STAT3: variants seen among roughly 807,000 people sequenced by gnomAD.
STAT3 encodes DNA-binding protein APRF.
In STAT3, 7 loss-of-function variants were observed where a neutral mutation model predicts 114.3. That is an observed-to-expected ratio of 0.06 (90% CI 0.03 to 0.11). The LOEUF (loss-of-function observed/expected upper bound fraction) is 0.11. Among genes scored for constraint, STAT3 ranks in the 10% least tolerant of loss-of-function variants. The pLI is 1.00. For synonymous variants in STAT3, 331 were observed against 354.5 expected, an observed-to-expected ratio of 0.93 and a Z score of 0.74; for missense variants, 364 against 960.9, an observed-to-expected ratio of 0.38 and a Z score of 8.21.
chr17:42,343,666 G>A (rs2082558077), intron 4 of STAT3, among the ~76,000 whole-genome samples: 1 of 151,870 alleles, frequency 6.6e-6, no homozygotes, highest in African/African-American at 2.4e-5. Flanking sequence ...TGTTGGCCAG[G>A]ATGGTCTCAA....
intron 1 of STAT3, among the ~76,000 whole-genome samples, chr17:42,382,171 C>T (rs746601556): frequency 1.3e-5 from 2 of 152,198 alleles, no homozygotes; most frequent in Non-Finnish European, 2.9e-5. Context: ...GTGTTCCCAT[C>T]TGATAAAGCC....
chr17:42,345,711 GACTGA>G, intron 3 of STAT3, 54 bp from the exon 4 acceptor site: 2 of 1,474,452 alleles, frequency 1.4e-6, no homozygotes, highest in Non-Finnish European at 1.9e-6. Flanking sequence ...TGGAGATGTG[GACTGA>G]ACTGTGGCAC....
intron 1 of STAT3, among the ~76,000 whole-genome samples, chr17:42,371,558 C>T (rs1474852981): frequency 6.6e-6 from 1 of 150,594 alleles, no homozygotes; most frequent in Admixed American, 6.6e-5. Context: ...CGCCTATAAT[C>T]CCAGCTACTC....
At chr17:42,320,947 T>TTGTG (rs112139000) in intron 21 of STAT3, among the ~76,000 whole-genome samples, 36 of 147,012 alleles carry the variant, frequency 2.4e-4, no homozygotes, top group South Asian at 6.5e-4. Flanking sequence ...TTTCTCTTCT[T>TTGTG]TGTGTGTGTG....
intron 2 of STAT3, among the ~76,000 whole-genome samples, chr17:42,347,103 G>A (rs750195473): frequency 7.0e-5 from 10 of 143,768 alleles, no homozygotes; most frequent in South Asian, 6.7e-4. Context: ...CGGGAGAATC[G>A]CTTGAATCCA....
intron 20 of STAT3, 41 bp downstream of exon 20, chr17:42,322,963 A>G (rs2144689456): frequency 6.2e-7 from 1 of 1,612,514 alleles, no homozygotes; most frequent in Non-Finnish European, 8.5e-7. Flanking sequence ...ATGAGGCCTC[A>G]GCAGCCACCA....
intron 1 of STAT3, among the ~76,000 whole-genome samples, chr17:42,365,765 C>A (rs1246408468): frequency 2.7e-5 from 4 of 150,880 alleles, no homozygotes; most frequent in African/African-American, 9.8e-5. Context: ...AAGTGATTCT[C>A]CTGCCTCAAC....
At chr17:42,344,197 C>T (rs562581124) in intron 4 of STAT3, among the ~76,000 whole-genome samples, 101 of 151,188 alleles carry the variant, frequency 6.7e-4, no homozygotes, top group Non-Finnish European at 1.0e-3. Flanking sequence ...CCGAGGCGGG[C>T]GGATCACGAG....
rs2083408444 is a variant in STAT3, at chr17:42,359,616, T to C, written c.-23-11077A>G. On this transcript the variant is annotated intron_variant, in intron 1 of 23. Transcript: ENST00000264657. ...GAGCAGTCGAAATAAGTAATGATTA[T>C]AGCTATGATTTATATAGCACTTTTT... 3.9e-5 allele frequency among the ~76,000 whole-genome samples: 6 copies of C among 152,358 alleles called. No homozygotes were observed. The South Asian group carries it at 1.2e-3, about 32-fold the overall frequency.
At chr17:42,325,150 A>G (rs1598397856) in intron 15 of STAT3, 89 bp from the exon 16 acceptor site, 1 of 1,269,426 alleles carries the variant, frequency 7.9e-7, no homozygotes, top group Non-Finnish European at 1.1e-6. Context: ...GGGGCTCAGA[A>G]TGAAAGGACA....
At position 42,323,597 on chromosome 17, in the gene STAT3, C is replaced by G. The variant is rs2081575869; in HGVS notation, c.1629G>C (p.Gln543His). ...LGPGVNYSGC[Q>H]ITWAKFCKEN... ...CTTTGCAAAATTTAGCCCATGTGATCTGACACCCTGAATAATTCACACCAG... is the reference window on the plus strand; with the variant it reads ...CTTTGCAAAATTTAGCCCATGTGATGTGACACCCTGAATAATTCACACCAG... The change falls in exon 18 of 24, where the codon CAG becomes CAC. Residue 543 changes from glutamine (Q) to histidine (H), a missense_variant. Physicochemically the swap from Gln to His is conservative, Grantham distance 24. This residue lies in a region of STAT3 where 294 missense variants were observed against 745.1 expected (regional missense o/e 0.39). Transcript: ENST00000264657. 2 of 1,613,144 alleles carry G rather than the reference C, an allele frequency of 1.2e-6. No individual in the cohort carries two copies. Among genetic ancestry groups the G allele is most frequent in the South Asian group, 1.1e-5 (1 of 91,038 alleles).
intron 2 of STAT3, among the ~76,000 whole-genome samples, chr17:42,347,184 C>CAAAAAAAAA (rs754388828): frequency 1.3e-5 from 1 of 75,500 alleles, no homozygotes; most frequent in African/African-American, 4.0e-5. Flanking sequence ...GACTCCATCT[C>CAAAAAAAAA]AAAAAAAAAA....
chr17:42,345,448 A>G, intron 4 of STAT3, 111 bp downstream of exon 4: 1 of 929,816 alleles, frequency 1.1e-6, no homozygotes, highest in South Asian at 1.4e-5. Flanking sequence ...TTATTGATCT[A>G]TTTAATTTCT....
chr17:42,341,626 T>G (rs927737613), intron 4 of STAT3, among the ~76,000 whole-genome samples: 5 of 152,116 alleles, frequency 3.3e-5, no homozygotes, highest in African/African-American at 9.7e-5. Context: ...TCTAGACACT[T>G]AAGAGCATGC....
chr17:42,335,691 G>C (rs112332001), intron 8 of STAT3, among the ~76,000 whole-genome samples: 1 of 152,094 alleles, frequency 6.6e-6, no homozygotes, highest in East Asian at 1.9e-4. Context: ...GCCGAGGCAG[G>C]TCGATCTACT....
At chr17:42,323,418 T>C (rs1232402031) in intron 18 of STAT3, 64 bp from the exon 19 acceptor site, 2 of 1,581,646 alleles carry the variant, frequency 1.3e-6, no homozygotes, top group East Asian at 2.2e-5. Context: ...TTCCTAGGGG[T>C]GCAGTGCATC....
At position 42,313,379 on chromosome 17, in the gene STAT3, C is replaced by CA. The variant is rs397857989; in HGVS notation, c.*2365dup. The CA allele has an allele frequency of 0.063, 5,362 of 85,742 alleles. 93 individuals are homozygous for CA. The highest frequency in any genetic ancestry group is 0.1 in the African/African-American group (1,605 of 16,122). 5.3% of individuals were successfully genotyped at this position (85,742 alleles called of 1,614,324 possible). On this transcript the variant is annotated 3_prime_UTR_variant, in exon 24 of 24. Coordinates refer to ENST00000264657, the MANE Select transcript of STAT3 (RefSeq NM_139276.3). ...AGTTAAAGTAGATACAGCAATATAC[C>CA]AAAAAAAAAAAAAAAAAAAAAAGAC... is the stretch of plus-strand genomic sequence containing the variant.
intron 20 of STAT3, 128 bp from the exon 21 acceptor site, chr17:42,322,622 C>G: frequency 9.9e-7 from 1 of 1,014,408 alleles, no homozygotes; most frequent in Non-Finnish European, 1.6e-6. Context: ...ACCCTGAACA[C>G]CCTGTTCAGT....
chr17:42,317,422 G>T, intron 21 of STAT3, 198 bp from the exon 22 acceptor site: 1 of 655,044 alleles, frequency 1.5e-6, no homozygotes, highest in Non-Finnish European at 2.7e-6. Flanking sequence ...ACTAGCAGCT[G>T]TGAACTTCAG....
Sources: allele counts gnomAD v4.1 joint callset (sites outside exome capture counted in the v4.1 genomes callset), GRCh38; gene constraint gnomAD v4.1.1; regional missense constraint gnomAD v4.1.1; transcripts MANE v1.5; gene names NCBI Gene and HGNC (gene_info 2026-07-23, HGNC 2026-07-21).